Variants in RARB observed in about 807,000 individuals in gnomAD.
RARB encodes the protein HBV-activated protein.
Under a neutral mutation model 51.9 loss-of-function variants are expected in RARB, and 17 were observed. That is an observed-to-expected ratio of 0.33 (90% confidence interval 0.22 to 0.49). The LOEUF is 0.49. Among genes scored for constraint, RARB ranks in the 20% least tolerant of loss-of-function variants. The pLI is 0.99. For missense variants in RARB, 369 were observed against 550.8 expected, an observed-to-expected ratio of 0.67 and a Z score of 3.30; for synonymous variants, 215 against 195.4, an observed-to-expected ratio of 1.10 and a Z score of -0.84.
intron 2 of RARB, among the ~76,000 whole-genome samples, chr3:25,058,269 A>G (rs1166629217): frequency 6.6e-6 from 1 of 151,876 alleles, no homozygotes; most frequent in East Asian, 1.9e-4. Context: ...TTTCATAATT[A>G]TCCTGGATGT....
At chr3:25,497,918 A>C (rs984825590) in intron 2 of RARB, among the ~76,000 whole-genome samples, 6 of 152,124 alleles carry the variant, frequency 3.9e-5, no homozygotes, top group Non-Finnish European at 8.8e-5. Context: ...CATAGTAAGA[A>C]GCTTATTTTT....
chr3:25,268,317 G>A (rs17016117), intron 5 of RARB, among the ~76,000 whole-genome samples: 15,671 of 151,730 alleles, frequency 0.1, 986 homozygotes, highest in South Asian at 0.25. Context: ...GACCTATTCA[G>A]GTGTGGCTAA....
chr3:24,980,447 T>G (rs573371629), intron 2 of RARB, among the ~76,000 whole-genome samples: 11 of 152,206 alleles, frequency 7.2e-5, no homozygotes, highest in Non-Finnish European at 1.6e-4. Flanking sequence ...AGTCCCATAT[T>G]TCTTGGAGGC....
chr3:25,369,776 G>A (rs568913063), intron 5 of RARB, among the ~76,000 whole-genome samples: 2 of 152,248 alleles, frequency 1.3e-5, no homozygotes, highest in South Asian at 2.1e-4. Flanking sequence ...TACAACATTA[G>A]CCTGGCATGG....
upstream of RARB, among the ~76,000 whole-genome samples, chr3:25,425,720 A>G (rs181841408): frequency 6.6e-6 from 1 of 152,346 alleles, no homozygotes; most frequent in Admixed American, 6.5e-5. Context: ...TTTTTGTGCA[A>G]TGATACAGTA....
intron 3 of RARB, among the ~76,000 whole-genome samples, chr3:25,085,926 T>C (rs1265052406): frequency 6.6e-6 from 1 of 152,168 alleles, no homozygotes; most frequent in Non-Finnish European, 1.5e-5. Flanking sequence ...GAAGCTTGCT[T>C]CTTGTTTATG....
intron 5 of RARB, among the ~76,000 whole-genome samples, chr3:25,289,164 A>G (rs1053210351): frequency 2.6e-5 from 4 of 152,146 alleles, no homozygotes; most frequent in African/African-American, 9.7e-5. Flanking sequence ...AGCTTCACCC[A>G]CTGTAGGCTG....
chr3:24,965,654 G>GT (rs1348478757), intron 2 of RARB, among the ~76,000 whole-genome samples: 1 of 152,084 alleles, frequency 6.6e-6, no homozygotes, highest in East Asian at 1.9e-4. Context: ...GAAAAATTTA[G>GT]TATCTGTCTC....
intron 1 of RARB, among the ~76,000 whole-genome samples, chr3:24,840,979 T>G (rs1257427070): frequency 2.0e-5 from 3 of 152,144 alleles, no homozygotes; most frequent in Non-Finnish European, 4.4e-5. Context: ...GTGATTCACA[T>G]GCAATGAGGG....
intron 2 of RARB, among the ~76,000 whole-genome samples, chr3:24,940,620 C>A (rs1695644187): frequency 6.6e-6 from 1 of 152,112 alleles, no homozygotes; most frequent in Admixed American, 6.5e-5. Flanking sequence ...CCTCCTTTAG[C>A]TGGACCAAAT....
chr3:25,317,443 A>T (rs1704456699), intron 5 of RARB, among the ~76,000 whole-genome samples: 1 of 152,190 alleles, frequency 6.6e-6, no homozygotes, highest in African/African-American at 2.4e-5. Flanking sequence ...ACGTATTTTA[A>T]TCTTGAACAG....
intron 3 of RARB, among the ~76,000 whole-genome samples, chr3:25,526,105 G>A (rs1698634865): frequency 6.6e-6 from 1 of 152,234 alleles, no homozygotes; most frequent in Admixed American, 6.5e-5. Flanking sequence ...GATGAGGGAA[G>A]CCTCATGGAG....
intron 2 of RARB, among the ~76,000 whole-genome samples, chr3:24,870,207 T>C (rs1702921908): frequency 6.6e-6 from 1 of 152,084 alleles, no homozygotes; most frequent in Admixed American, 6.6e-5. Context: ...TTATTAATTT[T>C]AATGCATTCT....
chr3:25,502,585 C>G lies in RARB; in HGVS notation c.448+1262C>G, dbSNP rs149486170. On this transcript the variant is annotated intron_variant, in intron 3 of 7. Transcript: ENST00000330688. ...TTAGGTTTCAATGTTTCAGAGAAAG[C>G]TTCACAGCTGGGATCCACTCAGTCA... 2.6e-3 allele frequency among the ~76,000 whole-genome samples: 403 copies of G among 152,262 alleles called. 3 individuals carry two copies. The highest frequency in any genetic ancestry group is 9.1e-3 in the African/African-American group (378 of 41,542).
chr3:25,043,066 G>A (rs751457188), intron 2 of RARB, among the ~76,000 whole-genome samples: 2 of 152,196 alleles, frequency 1.3e-5, no homozygotes, highest in African/African-American at 2.4e-5. Flanking sequence ...GCAGGGGAGC[G>A]ACCGTCAGAG....
At chr3:25,206,988 C>T (rs1701565302) in intron 5 of RARB, among the ~76,000 whole-genome samples, 1 of 152,218 alleles carries the variant, frequency 6.6e-6, no homozygotes, top group African/African-American at 2.4e-5. Flanking sequence ...TTTACCCTGA[C>T]ATCTGCTTTT....
rs141390071 is a variant in RARB, at chr3:25,569,963, T to G, written c.609+45T>G. 9.0e-4 allele frequency: 1,400 copies of G among 1,550,352 alleles called. 15 individuals carry two copies. The African/African-American group carries it at 0.017, about 19-fold the overall frequency. Reference sequence around the variant, plus strand: ...CAGGCTGCTGGGAGTGTGGAAACCTTGTACGTGCATGTGTGCAGACACACA... The same window carrying G: ...CAGGCTGCTGGGAGTGTGGAAACCTGGTACGTGCATGTGTGCAGACACACA... On this transcript the variant is annotated intron_variant, in intron 4 of 7. Transcript: ENST00000330688.
chr3:25,281,910 G>A (rs984429774), intron 5 of RARB, among the ~76,000 whole-genome samples: 8 of 152,212 alleles, frequency 5.3e-5, no homozygotes, highest in Non-Finnish European at 7.3e-5. Context: ...CTGTGCTCAT[G>A]TTGTGTTACT....
intron 2 of RARB, among the ~76,000 whole-genome samples, chr3:25,032,302 C>G (rs1284332276): frequency 6.6e-6 from 1 of 152,124 alleles, no homozygotes; most frequent in Admixed American, 6.5e-5. Flanking sequence ...TTCCCCTTAC[C>G]TAAGACAAGA....
Sources: gnomAD v4.1 joint callset for allele counts (sites outside exome capture counted in the v4.1 genomes callset) on GRCh38, gnomAD v4.1.1 for gene constraint, MANE v1.5 for transcripts, NCBI Gene and HGNC (gene_info 2026-07-23, HGNC 2026-07-21) for gene names.